The following NCAM1 variants were observed in gnomAD, a reference collection of about 807,000 sequenced individuals.
The protein encoded by NCAM1 is antigen recognized by monoclonal antibody 5.1H11.
A neutral mutation model predicts 109.8 loss-of-function variants in NCAM1; 14 were observed. The ratio of observed to expected loss-of-function variants is 0.13; its 90% confidence interval spans 0.08 to 0.20. The LOEUF is 0.20. NCAM1 is among the 10% of genes least tolerant of loss of function. NCAM1 has a pLI of 1.00. For synonymous variants in NCAM1, 418 were observed against 442.9 expected (o/e 0.94, Z 0.70); for missense variants, 774 against 1,109.9 (o/e 0.70, Z 4.30).
rs570115336 is a variant in NCAM1 at position 113,132,177 on chromosome 11, C to G, written c.53-70202C>G. Among the ~76,000 whole-genome samples the G allele has an allele frequency of 5.3e-5, 8 of 152,272 alleles. No homozygotes were observed. The East Asian group carries it at 5.8e-4, about 11-fold the overall frequency. ...GGCTTCGGTAAGGCCCTTCATCGCC[C>G]CTTGCTCTTGGCCAGGGGTCAAAGG... On this transcript the variant is annotated intron_variant, in intron 1 of 19. Transcript: ENST00000316851.
chr11:113,236,818 G>C (rs1945182014), intron 14 of NCAM1, among the ~76,000 whole-genome samples: 1 of 152,206 alleles, frequency 6.6e-6, no homozygotes, highest in East Asian at 1.9e-4. Flanking sequence ...CTTGCTTCTT[G>C]TCTGTCAGCT....
chr11:113,229,848 C>T (rs1944950641), intron 9 of NCAM1, among the ~76,000 whole-genome samples: 1 of 152,014 alleles, frequency 6.6e-6, no homozygotes. Context: ...AAACCAAACA[C>T]TGCATGTTCT....
chr11:113,207,750 T>C, intron 6 of NCAM1, 83 bp from the exon 7 acceptor site: 1 of 1,422,560 alleles, frequency 7.0e-7, no homozygotes, highest in East Asian at 2.5e-5. Flanking sequence ...TGACTCAGTC[T>C]GCATTCTATG....
At chr11:113,035,326 T>C (rs187521964) in intron 1 of NCAM1, among the ~76,000 whole-genome samples, 2 of 152,192 alleles carry the variant, frequency 1.3e-5, no homozygotes, top group South Asian at 4.1e-4. Flanking sequence ...CACCTTGAGA[T>C]GAGACAATTG....
chr11:113,123,628 A>T (rs1941058632), intron 1 of NCAM1, among the ~76,000 whole-genome samples: 1 of 152,088 alleles, frequency 6.6e-6, no homozygotes, highest in African/African-American at 2.4e-5. Flanking sequence ...GCCAGGTGGG[A>T]GACATCCAAA....
intron 3 of NCAM1, among the ~76,000 whole-genome samples, chr11:113,204,881 G>A (rs1441192682): frequency 2.6e-5 from 4 of 152,098 alleles, no homozygotes; most frequent in African/African-American, 9.7e-5. Flanking sequence ...ATCATTATCT[G>A]AACACTCTCT....
intron 1 of NCAM1, among the ~76,000 whole-genome samples, chr11:113,102,418 A>G (rs567729357): frequency 1.3e-5 from 2 of 152,320 alleles, no homozygotes; most frequent in Non-Finnish European, 2.9e-5. Flanking sequence ...TTTGCTGCAG[A>G]CAGTGAGGTG....
At chr11:113,131,647 T>G (rs1007192799) in intron 1 of NCAM1, among the ~76,000 whole-genome samples, 1 of 152,156 alleles carries the variant, frequency 6.6e-6, no homozygotes, top group Admixed American at 6.5e-5. Context: ...CACAGCTGGG[T>G]GAGGCAGGCT....
At chr11:113,008,417 C>T (rs1270016258) in intron 1 of NCAM1, among the ~76,000 whole-genome samples, 1 of 152,162 alleles carries the variant, frequency 6.6e-6, no homozygotes, top group Non-Finnish European at 1.5e-5. Context: ...GTAGCCAAGA[C>T]AGTTTCAGAG....
At chr11:113,140,748 A>G (rs1323330157) in intron 1 of NCAM1, among the ~76,000 whole-genome samples, 2 of 152,108 alleles carry the variant, frequency 1.3e-5, no homozygotes, top group African/African-American at 4.8e-5. Context: ...TTTGTAAGTA[A>G]CTTTTGCGTG....
At chr11:113,241,843 C>T (rs1291556909) in intron 14 of NCAM1, among the ~76,000 whole-genome samples, 1 of 152,216 alleles carries the variant, frequency 6.6e-6, no homozygotes, top group African/African-American at 2.4e-5. Flanking sequence ...CTTTATTCTC[C>T]TTGATATATC....
At chr11:112,984,248 A>G (rs1469141140) in intron 1 of NCAM1, among the ~76,000 whole-genome samples, 1 of 151,954 alleles carries the variant, frequency 6.6e-6, no homozygotes, top group East Asian at 1.9e-4. Context: ...CTCTTTTTAA[A>G]GGCTGAATAA....
intron 1 of NCAM1, among the ~76,000 whole-genome samples, chr11:113,136,885 C>T (rs1295257765): frequency 1.3e-5 from 2 of 151,996 alleles, no homozygotes; most frequent in Non-Finnish European, 2.9e-5. Flanking sequence ...AGTGGAATGG[C>T]GCTGTGGGCG....
At chr11:113,103,520 T>C (rs1591327315) in intron 1 of NCAM1, among the ~76,000 whole-genome samples, 2 of 152,310 alleles carry the variant, frequency 1.3e-5, no homozygotes, top group East Asian at 3.9e-4. Flanking sequence ...TGTGATACTT[T>C]TTGTGCTTCT....
intron 1 of NCAM1, among the ~76,000 whole-genome samples, chr11:113,083,204 T>G (rs1938922800): frequency 6.6e-6 from 1 of 152,178 alleles, no homozygotes; most frequent in African/African-American, 2.4e-5. Flanking sequence ...CATACACTAC[T>G]AAACTCTTTA....
intron 1 of NCAM1, among the ~76,000 whole-genome samples, chr11:113,100,138 A>G (rs1939805481): frequency 6.6e-6 from 1 of 152,030 alleles, no homozygotes; most frequent in Admixed American, 6.6e-5. Context: ...TGTTATTTTC[A>G]TCTCTTAACT....
In NCAM1 at chr11:113,220,602, CTTT is replaced by C. The variant is rs1175342641; in HGVS notation, c.1060-673_1060-671del. On this transcript the variant is annotated intron_variant, in intron 8 of 19. Coordinates refer to ENST00000316851, the MANE Select transcript of NCAM1 (RefSeq NM_181351.5). The stretch of plus-strand genomic sequence containing the variant: ...AGACCTATTCTCTCTCTCTCTCTCT[CTTT>C]TTTTTTTTTTTTTTTTTTTTGAGAC... Among the ~76,000 whole-genome samples, 50 of 75,582 alleles carry C rather than the reference CTTT, an allele frequency of 6.6e-4. 1 individual carries two copies. The highest frequency in any genetic ancestry group is 1.6e-3 in the East Asian group (3 of 1,838). 49.6% of individuals were successfully genotyped at this position (75,582 alleles called of 152,430 possible). A position where few individuals can be genotyped will look rare whatever the true frequency, so the allele number is the denominator to read the frequency against.
chr11:113,067,003 CA>C (rs34002848), intron 1 of NCAM1, among the ~76,000 whole-genome samples: 1,224 of 103,648 alleles, frequency 0.012, 22 homozygotes, highest in African/African-American at 0.043. Context: ...GAACCCCTCT[CA>C]AAAAAAAAAA....
chr11:113,163,713 G>A (rs1942681370), intron 1 of NCAM1, among the ~76,000 whole-genome samples: 2 of 152,128 alleles, frequency 1.3e-5, no homozygotes, highest in Admixed American at 6.5e-5. Flanking sequence ...CTAGAATGGA[G>A]TTAAAGAAAA....
Sources: allele counts gnomAD v4.1 joint callset (sites outside exome capture counted in the v4.1 genomes callset), GRCh38; gene constraint gnomAD v4.1.1; transcripts MANE v1.5; gene names NCBI Gene and HGNC (gene_info 2026-07-23, HGNC 2026-07-21).